Variants in LRRC40 observed in about 807,000 individuals in gnomAD.
The protein encoded by LRRC40 is leucine-rich repeat-containing protein 40.
A neutral mutation model predicts 72.8 loss-of-function variants in LRRC40; 76 were observed. That is an observed-to-expected ratio of 1.04 (90% CI 0.87 to 1.26). The LOEUF (loss-of-function observed/expected upper bound fraction) is 1.26. Ranked by LOEUF, LRRC40 falls within the 50% of genes most tolerant of loss-of-function variation. The probability of loss-of-function intolerance (pLI) is 0.00; values close to 1 mark genes in which losing one functional copy is unlikely to be tolerated. For missense variants in LRRC40, 684 were observed against 698.9 expected, an observed-to-expected ratio of 0.98 and a Z score of 0.24; for synonymous variants, 243 against 254.2, an observed-to-expected ratio of 0.96 and a Z score of 0.42.
chr1:70,169,769 C>T (rs751080842), intron 9 of LRRC40, among the ~76,000 whole-genome samples: 10 of 152,138 alleles, frequency 6.6e-5, no homozygotes, highest in Middle Eastern at 6.8e-3. Context: ...ATCTATAACA[C>T]GTGAAGAGTA....
chr1:70,192,821 G>A (rs1029779521), intron 1 of LRRC40, among the ~76,000 whole-genome samples: 4 of 152,070 alleles, frequency 2.6e-5, no homozygotes, highest in Admixed American at 1.3e-4. Context: ...GAGGGTGGAA[G>A]GTGGGAGGAG....
chr1:70,164,339 G>A (rs1055368821), intron 9 of LRRC40, among the ~76,000 whole-genome samples: 18 of 151,932 alleles, frequency 1.2e-4, no homozygotes, highest in East Asian at 3.9e-4. Context: ...GCAGTGAGCC[G>A]AGATCGCGAC....
intron 9 of LRRC40, among the ~76,000 whole-genome samples, chr1:70,171,639 T>C (rs1245172841): frequency 6.6e-6 from 1 of 152,126 alleles, no homozygotes; most frequent in Non-Finnish European, 1.5e-5. Flanking sequence ...TAAGATGCCA[T>C]TTCAGACCCA....
At chr1:70,153,516 T>C (rs1318871824) in intron 11 of LRRC40, among the ~76,000 whole-genome samples, 2 of 152,056 alleles carry the variant, frequency 1.3e-5, no homozygotes, top group Non-Finnish European at 2.9e-5. Context: ...TGATAAAACT[T>C]TTTTTGATAT....
chr1:70,149,250 G>T (rs573588315), intron 13 of LRRC40, among the ~76,000 whole-genome samples: 13 of 152,202 alleles, frequency 8.5e-5, no homozygotes, highest in Non-Finnish European at 1.2e-4. Context: ...ACCCCGCAGG[G>T]CACAAAGGCT....
chr1:70,192,614 TC>T (rs1293456649), intron 1 of LRRC40, among the ~76,000 whole-genome samples: 3 of 152,016 alleles, frequency 2.0e-5, no homozygotes, highest in African/African-American at 7.2e-5. Context: ...TACATATACA[TC>T]ATGGAATACT....
chr1:70,156,280 A>T (rs1016969939), intron 10 of LRRC40, among the ~76,000 whole-genome samples: 5 of 152,066 alleles, frequency 3.3e-5, no homozygotes, highest in Admixed American at 6.5e-5. Context: ...AAATTAGTTT[A>T]ATTAATTTAA....
intron 1 of LRRC40, among the ~76,000 whole-genome samples, chr1:70,202,814 T>A (rs1165949005): frequency 3.9e-5 from 6 of 152,230 alleles, no homozygotes; most frequent in Admixed American, 3.9e-4. Flanking sequence ...ATGTACCATC[T>A]GCTCAACTTT....
intron 9 of LRRC40, among the ~76,000 whole-genome samples, chr1:70,164,693 C>CTT (rs1667841497): frequency 6.6e-6 from 1 of 152,154 alleles, no homozygotes; most frequent in African/African-American, 2.4e-5. Context: ...AGATGCTCTT[C>CTT]TTACAAGGGT....
intron 6 of LRRC40, among the ~76,000 whole-genome samples, chr1:70,176,453 A>C (rs1274071260): frequency 6.8e-6 from 1 of 147,622 alleles, no homozygotes. Context: ...AATCGCTTGA[A>C]CCCAGGAGGC....
At chr1:70,164,961 T>C (rs1289696004) in intron 9 of LRRC40, among the ~76,000 whole-genome samples, 1 of 152,232 alleles carries the variant, frequency 6.6e-6, no homozygotes, top group East Asian at 1.9e-4. Flanking sequence ...TAATACTATT[T>C]AGATGAATCA....
At chr1:70,180,995 T>C in intron 5 of LRRC40, 91 bp downstream of exon 5, 1 of 934,200 alleles carries the variant, frequency 1.1e-6, no homozygotes, top group Non-Finnish European at 1.5e-6. Context: ...TCTACTACTT[T>C]AGTTCTCTGT....
At position 70,155,738 on chromosome 1, in the gene LRRC40, C is replaced by T. The variant is rs143151020; in HGVS notation, c.1279G>A (p.Val427Ile). 122 of 1,580,868 alleles carry T rather than the reference C, an allele frequency of 7.7e-5. No homozygotes were observed. Among genetic ancestry groups the T allele is most frequent in the Non-Finnish European group, 9.4e-5 (109 of 1,158,832 alleles). The change falls in exon 11 of 15, where the codon GTC (valine) becomes ATC (isoleucine). Residue 427 changes from valine to isoleucine, a missense_variant. Transcript: ENST00000370952. ...TTCTTACTGAAGTTAATAGAAGTGA[C>T]GATGTTGCTTTTTACTGCATCAAAC... ...EVFDAVKSNI[V>I]TSINFSKNQL...
chr1:70,174,062 A>C (rs1041043636), intron 7 of LRRC40, among the ~76,000 whole-genome samples: 3 of 152,066 alleles, frequency 2.0e-5, no homozygotes, highest in African/African-American at 7.2e-5. Flanking sequence ...TTTTGCACTT[A>C]GAGCAAGGAA....
At chr1:70,187,591 G>A (rs1477992326) in intron 2 of LRRC40, among the ~76,000 whole-genome samples, 2 of 151,312 alleles carry the variant, frequency 1.3e-5, no homozygotes, top group African/African-American at 2.4e-5. Flanking sequence ...TTGGGAGGCC[G>A]AAGAAGGCAA....
At chr1:70,198,871 C>T (rs2100351152) in intron 1 of LRRC40, among the ~76,000 whole-genome samples, 2 of 152,104 alleles carry the variant, frequency 1.3e-5, no homozygotes, top group Admixed American at 1.3e-4. Flanking sequence ...AAAAATAGGG[C>T]CAGGCACAAC....
chr1:70,148,707 G>A, intron 13 of LRRC40, 35 bp from the exon 14 acceptor site: 1 of 1,271,206 alleles, frequency 7.9e-7, no homozygotes, highest in South Asian at 1.6e-5. Flanking sequence ...TAAATATACT[G>A]GAATCAGACC....
At position 70,178,832 on chromosome 1, in the gene LRRC40, A is replaced by G. The variant is rs775111992; in HGVS notation, c.804+19T>C. ...AACTTTTGGAAAATATAGTTATTTAATAATCAACTAAATAGTACCTTCAAT... is the reference window on the plus strand; with the variant it reads ...AACTTTTGGAAAATATAGTTATTTAGTAATCAACTAAATAGTACCTTCAAT... On this transcript the variant is annotated intron_variant, in intron 6 of 14. Transcript: ENST00000370952. The G allele has an allele frequency of 8.4e-6, 12 of 1,432,116 alleles. No homozygotes were observed. The East Asian group carries it at 2.9e-4, about 35-fold the overall frequency. The allele number at this position is 1,432,116 out of a possible 1,614,324, so 88.7% of individuals were successfully genotyped here. A position where few individuals can be genotyped will look rare whatever the true frequency, so the allele number is the denominator to read the frequency against.
chr1:70,175,564 A>T (rs907220767), intron 7 of LRRC40, among the ~76,000 whole-genome samples: 11 of 152,168 alleles, frequency 7.2e-5, no homozygotes. Flanking sequence ...TAAGAGTAAT[A>T]ATACTAATAC....
Sources: allele counts gnomAD v4.1 joint callset (sites outside exome capture counted in the v4.1 genomes callset), GRCh38; gene constraint gnomAD v4.1.1; transcripts MANE v1.5; gene names NCBI Gene and HGNC (gene_info 2026-07-23, HGNC 2026-07-21).